The following UGT2B4 variants were observed in gnomAD, a reference collection of about 807,000 sequenced individuals.
UGT2B4 encodes the protein UDP glucuronosyltransferase family 2 member B4, also known as UDP-glucuronosyltransferase 2B4.
In UGT2B4, 49 loss-of-function variants were observed where a neutral mutation model predicts 49.8. That is an observed-to-expected ratio of 0.98 (90% CI 0.78 to 1.25). UGT2B4 has a LOEUF of 1.25. Ranked by LOEUF, UGT2B4 falls within the 50% of genes most tolerant of loss-of-function variation. The pLI, the probability that UGT2B4 is intolerant of heterozygous loss-of-function variation, is 0.00. For missense variants in UGT2B4, 729 were observed against 627.7 expected (o/e 1.16, Z -1.73); for synonymous variants, 246 against 217.7 (o/e 1.13, Z -1.14).
chr4:69,504,387 A>C (rs958400968), intron 1 of UGT2B4, among the ~76,000 whole-genome samples: 8 of 152,206 alleles, frequency 5.3e-5, no homozygotes, highest in Middle Eastern at 3.2e-3. Flanking sequence ...CAAAGTAACC[A>C]GTATAAAGAA....
chr4:69,485,094 A>G (rs1374231878), intron 5 of UGT2B4, 114 bp downstream of exon 5: 1 of 1,309,670 alleles, frequency 7.6e-7, no homozygotes, highest in Non-Finnish European at 1.1e-6. Context: ...GATTGTTTAA[A>G]TCACTTAAAT....
intron 2 of UGT2B4, among the ~76,000 whole-genome samples, chr4:69,490,992 T>C (rs1727969422): frequency 6.6e-6 from 1 of 152,194 alleles, no homozygotes. Context: ...ATACACTATG[T>C]ATGTAAGGTA....
chr4:69,498,188 C>G (rs913932495), upstream of UGT2B4, among the ~76,000 whole-genome samples: 2 of 152,198 alleles, frequency 1.3e-5, no homozygotes, highest in African/African-American at 4.8e-5. Context: ...TTGTGTGACT[C>G]ACTTTATTGC....
intron 1 of UGT2B4, 26 bp from the exon 2 acceptor site, chr4:69,493,867 A>G (rs370331125): frequency 2.3e-5 from 37 of 1,582,934 alleles, no homozygotes; most frequent in South Asian, 4.8e-5. Context: ...AAAAGAAAAG[A>G]TAGATGACAC....
rs116337438 is a variant in UGT2B4, at chr4:69,488,850, A to G, written c.1002+589T>C. 5.8e-3 allele frequency among the ~76,000 whole-genome samples: 879 copies of G among 152,038 alleles called. 4 individuals are homozygous for G. Among genetic ancestry groups the G allele is most frequent in the Middle Eastern group, 0.031 (9 of 294 alleles). On this transcript the variant is annotated intron_variant, in intron 3 of 5. Coordinates refer to ENST00000305107, the MANE Select transcript of UGT2B4 (RefSeq NM_021139.3). ...TTTTTCTCTTTCTCCAAATCTGCCT[A>G]GCTCTGCGGATCCTTACACTAGTTG...
chr4:69,510,853 T>A (rs1260502098), intron 1 of UGT2B4, among the ~76,000 whole-genome samples: 2 of 152,114 alleles, frequency 1.3e-5, no homozygotes, highest in Non-Finnish European at 2.9e-5. Flanking sequence ...CTATGTGGAA[T>A]AGAAGTAGCA....
At chr4:69,489,414 A>C (rs1204599280) in intron 3 of UGT2B4, 25 bp downstream of exon 3, 8 of 1,605,174 alleles carry the variant, frequency 5.0e-6, no homozygotes, top group Non-Finnish European at 6.8e-6. Context: ...GTAGTTTTTT[A>C]CACCATTAAA....
chr4:69,507,187 A>T (rs4626103), intron 1 of UGT2B4, among the ~76,000 whole-genome samples: 89,384 of 151,934 alleles, frequency 0.59, 26,995 homozygotes, highest in East Asian at 0.75. Context: ...CCCTCTCACC[A>T]CTCCTAATCA....
intron 1 of UGT2B4, among the ~76,000 whole-genome samples, chr4:69,522,331 C>G (rs148384335): frequency 6.6e-6 from 1 of 152,236 alleles, no homozygotes; most frequent in African/African-American, 2.4e-5. Flanking sequence ...CTCATGTAGA[C>G]TATCCGTTAG....
intron 3 of UGT2B4, 33 bp from the exon 4 acceptor site, chr4:69,486,729 A>C (rs369300965): frequency 3.5e-5 from 52 of 1,497,814 alleles, no homozygotes; most frequent in Non-Finnish European, 4.5e-5. Context: ...TTATTCCATG[A>C]GTGGAACTCA....
intron 1 of UGT2B4, chr4:69,525,572 G>T: frequency 4.7e-6 from 2 of 424,540 alleles, no homozygotes; most frequent in Non-Finnish European, 6.5e-6. Context: ...CTCATTTTTT[G>T]GGCAACGTGA....
At chr4:69,486,977 T>C (rs1727806051) in intron 3 of UGT2B4, among the ~76,000 whole-genome samples, 1 of 152,192 alleles carries the variant, frequency 6.6e-6, no homozygotes, top group Non-Finnish European at 1.5e-5. Flanking sequence ...GAAAACTATA[T>C]GTGGCAAACC....
Position 69,495,315 on chromosome 4 carries a change from GC to G in UGT2B4, c.546del (p.Lys182AsnfsTer20), listed in dbSNP as rs752740446. 1.9e-6 allele frequency: 3 copies of G among 1,613,030 alleles called. No homozygotes were observed. The South Asian group carries it at 3.3e-5, about 18-fold the overall frequency. Reference sequence around the variant, plus strand: ...GGAGGGAACAGAAGTCCTCCACTATGCTTTTCAATTGCGTAGCCAGGAGAGA... The same window carrying G: ...GGAGGGAACAGAAGTCCTCCACTATGTTTTCAATTGCGTAGCCAGGAGAGA... ...LRFSPGYAIEKHSGGLLFPPS... is the reference protein window; with the variant it reads ...LRFSPGYAIEXHSGGLLFPPS... On this transcript the variant is annotated frameshift_variant, in exon 1 of 6. Coordinates refer to ENST00000305107, the MANE Select transcript of UGT2B4 (RefSeq NM_021139.3). LOFTEE classifies it high-confidence loss of function.
Position 69,484,725 on chromosome 4 carries a change from C to A in UGT2B4, c.1310+483G>T, listed in dbSNP as rs114492857. On this transcript the variant is annotated intron_variant, in intron 5 of 5. Transcript: ENST00000305107. ...ATGGTGATGGCTTCATGACTGTAAG[C>A]ATACTAAATATATTTGGATTTTATA... 9.7e-3 allele frequency among the ~76,000 whole-genome samples: 1,479 copies of A among 152,016 alleles called. 20 individuals are homozygous for A. The highest frequency in any genetic ancestry group is 0.024 in the African/African-American group (1,008 of 41,462).
Position 69,495,121 on chromosome 4 carries a change from C to G in UGT2B4, c.721+20G>C. The G allele has an allele frequency of 6.7e-7, 1 of 1,502,942 alleles. No homozygotes were observed. Among genetic ancestry groups the G allele is most frequent in the Non-Finnish European group, 8.9e-7 (1 of 1,129,498 alleles). 93.1% of individuals were successfully genotyped at this position (1,502,942 alleles called of 1,614,324 possible). A position where few individuals can be genotyped will look rare whatever the true frequency, so the allele number is the denominator to read the frequency against. On this transcript the variant is annotated intron_variant, in intron 1 of 5. Coordinates refer to ENST00000305107, the MANE Select transcript of UGT2B4 (RefSeq NM_021139.3). ...CAAGAAAGTTAGATCTTCATGTTACCAATCAAAAAAGTTACTTACCTAGAA... is the reference window on the plus strand; with the variant it reads ...CAAGAAAGTTAGATCTTCATGTTACGAATCAAAAAAGTTACTTACCTAGAA...
In UGT2B4 at chr4:69,489,508, C is replaced by G; in HGVS notation, c.933G>C (p.Ser311=). 4 of 1,611,780 alleles carry G rather than the reference C, an allele frequency of 2.5e-6. No individual in the cohort carries two copies. The highest frequency in any genetic ancestry group is 3.4e-6 in the Non-Finnish European group (4 of 1,178,564). The change falls in exon 3 of 6, where the codon TCG becomes TCC. Residue 311 remains serine (S), a synonymous_variant. Coordinates refer to ENST00000305107, the MANE Select transcript of UGT2B4 (RefSeq NM_021139.3). ...ENGVVVFSLG[S]MVSNTSEERA... Reference sequence around the variant, plus strand: ...TTTCTTCTGACGTGTTACTGACCATCGACCCCAGAGAAAACACCACAACAC... The same window carrying G: ...TTTCTTCTGACGTGTTACTGACCATGGACCCCAGAGAAAACACCACAACAC...
chr4:69,511,859 ATATATT>A (rs1325863890), intron 1 of UGT2B4, among the ~76,000 whole-genome samples: 1 of 152,082 alleles, frequency 6.6e-6, no homozygotes, highest in Non-Finnish European at 1.5e-5. Context: ...GGTTCTGAAA[ATATATT>A]TATTCATGAC....
At chr4:69,502,067 C>CTTCCTT (rs1392513357) in intron 1 of UGT2B4, among the ~76,000 whole-genome samples, 93 of 148,928 alleles carry the variant, frequency 6.2e-4, no homozygotes, top group African/African-American at 2.1e-3. Flanking sequence ...CCCTTCCTTC[C>CTTCCTT]TTCTTTTCTT....
chr4:69,514,429 T>C (rs1055373160), intron 1 of UGT2B4, among the ~76,000 whole-genome samples: 1 of 152,188 alleles, frequency 6.6e-6, no homozygotes, highest in Non-Finnish European at 1.5e-5. Flanking sequence ...ACTTCCTCTC[T>C]TCCTATTGGA....
Sources: gnomAD v4.1 joint callset for allele counts (sites outside exome capture counted in the v4.1 genomes callset) on GRCh38, gnomAD v4.1.1 for gene constraint, MANE v1.5 for transcripts, NCBI Gene and HGNC (gene_info 2026-07-23, HGNC 2026-07-21) for gene names.